The following TRMT11 variants were observed in gnomAD, a reference collection of about 807,000 sequenced individuals.
TRMT11 encodes the protein tRNA methyltransferase 11, also known as tRNA (guanine(10)-N(2))-methyltransferase TRMT11.
Under a neutral mutation model 62.8 loss-of-function variants are expected in TRMT11, and 53 were observed. The ratio of observed to expected loss-of-function variants is 0.84; its 90% CI spans 0.68 to 1.06. The LOEUF is 1.06. TRMT11 is among the 50% of genes least tolerant of loss of function. The probability of loss-of-function intolerance (pLI) is 0.00; values close to 1 mark genes in which losing one functional copy is unlikely to be tolerated. For synonymous variants in TRMT11, 188 were observed against 190.3 expected (o/e 0.99, Z 0.10); for missense variants, 556 against 553.4 (o/e 1.00, Z -0.05).
At chr6:126,195,664 G>A (rs1778657395) in intron 1 of TRMT11, among the ~76,000 whole-genome samples, 1 of 152,128 alleles carries the variant, frequency 6.6e-6, no homozygotes, top group Admixed American at 6.5e-5. Context: ...CCATAGTCAT[G>A]TACTTTGGAG....
intron 17 of TRMT11, among the ~76,000 whole-genome samples, chr6:126,065,817 T>G (rs912175192): frequency 6.6e-6 from 1 of 152,232 alleles, no homozygotes; most frequent in African/African-American, 2.4e-5. Context: ...CAGACGAGAT[T>G]GGGAGCGTTG....
chr6:126,055,980 A>C (rs138722283), intron 17 of TRMT11, among the ~76,000 whole-genome samples: 1 of 152,190 alleles, frequency 6.6e-6, no homozygotes, highest in Non-Finnish European at 1.5e-5. Flanking sequence ...ACTGTCACAG[A>C]TGGCTTAGCT....
At chr6:126,132,496 T>C (rs182490828) in intron 21 of TRMT11, among the ~76,000 whole-genome samples, 1 of 152,050 alleles carries the variant, frequency 6.6e-6, no homozygotes, top group East Asian at 1.9e-4. Context: ...TATCATTTCA[T>C]ATTCTGGCCT....
At chr6:126,233,800 C>T in the TRMT11 span, among the ~76,000 whole-genome samples, 1 of 152,026 alleles carries the variant, frequency 6.6e-6, no homozygotes, top group South Asian at 2.1e-4. Flanking sequence ...TATTCTAATG[C>T]AGTCATAAAA....
chr6:126,237,065 T>TAG, the TRMT11 span, among the ~76,000 whole-genome samples: 19,188 of 142,444 alleles, frequency 0.13, 1,826 homozygotes, highest in East Asian at 0.51. Context: ...CTCCTAGAGA[T>TAG]AGAGAGAGAG....
chr6:126,170,452 C>T (rs1239548436), intron 21 of TRMT11, among the ~76,000 whole-genome samples: 2 of 152,164 alleles, frequency 1.3e-5, no homozygotes, highest in African/African-American at 4.8e-5. Flanking sequence ...ATGTCAGCTG[C>T]TGTGGTAACC....
At chr6:126,066,940 A>T (rs1057364219) in intron 17 of TRMT11, among the ~76,000 whole-genome samples, 4 of 151,714 alleles carry the variant, frequency 2.6e-5, no homozygotes, top group African/African-American at 9.7e-5. Flanking sequence ...AAAAAAAAAT[A>T]AGGGCCGGGC....
At chr6:126,145,646 G>C (rs1005787117) in intron 21 of TRMT11, among the ~76,000 whole-genome samples, 1 of 152,102 alleles carries the variant, frequency 6.6e-6, no homozygotes, top group African/African-American at 2.4e-5. Flanking sequence ...CGACTTCCAT[G>C]GTCAGCACCC....
intron 1 of TRMT11, among the ~76,000 whole-genome samples, chr6:126,182,272 A>G (rs538803147): frequency 6.6e-6 from 1 of 152,074 alleles, no homozygotes; most frequent in Non-Finnish European, 1.5e-5. Context: ...GGAGGTACCG[A>G]TGGGGGATCC....
At chr6:126,030,291 G>A (rs937659872) in intron 12 of TRMT11, among the ~76,000 whole-genome samples, 1 of 152,126 alleles carries the variant, frequency 6.6e-6, no homozygotes, top group Non-Finnish European at 1.5e-5. Flanking sequence ...AGGAGAGCAG[G>A]ATTTTTAAAC....
At chr6:126,044,103 G>A (rs1775972950), downstream of TRMT11, among the ~76,000 whole-genome samples, 1 of 151,560 alleles carries the variant, frequency 6.6e-6, no homozygotes, top group Non-Finnish European at 1.5e-5. Context: ...CATTGCTTTT[G>A]GTGTTTTAGA....
chr6:126,047,535 G>A (rs1776094368), intron 16 of TRMT11, among the ~76,000 whole-genome samples: 2 of 152,058 alleles, frequency 1.3e-5, no homozygotes, highest in South Asian at 2.1e-4. Flanking sequence ...CTTCAAGTTT[G>A]TGTGTGACCT....
At chr6:126,065,496 G>A (rs1776662656) in intron 17 of TRMT11, among the ~76,000 whole-genome samples, 1 of 152,096 alleles carries the variant, frequency 6.6e-6, no homozygotes, top group Non-Finnish European at 1.5e-5. Flanking sequence ...TAATTCTGGG[G>A]AACTGCTGGC....
At chr6:126,062,879 A>C (rs1214148163) in intron 17 of TRMT11, among the ~76,000 whole-genome samples, 2 of 152,220 alleles carry the variant, frequency 1.3e-5, no homozygotes, top group African/African-American at 4.8e-5. Flanking sequence ...AGAACAACTA[A>C]CATATAGCTC....
chr6:126,143,505 T>A (rs1442538136), intron 21 of TRMT11, among the ~76,000 whole-genome samples: 1 of 152,160 alleles, frequency 6.6e-6, no homozygotes, highest in African/African-American at 2.4e-5. Flanking sequence ...GCAGATTTTC[T>A]TTTTCTTTTA....
chr6:126,018,903 A>G (rs547335990), intron 11 of TRMT11, among the ~76,000 whole-genome samples: 2 of 151,542 alleles, frequency 1.3e-5, no homozygotes, highest in Non-Finnish European at 2.9e-5. Context: ...TTTTTTTGAG[A>G]CAATTTCGCT....
intron 21 of TRMT11, among the ~76,000 whole-genome samples, chr6:126,133,423 C>T (rs1161843642): frequency 6.6e-6 from 1 of 151,958 alleles, no homozygotes; most frequent in African/African-American, 2.4e-5. Context: ...TGATCTTGAA[C>T]CTTCATTGTG....
chr6:125,997,933 C>T (rs1791833833), intron 3 of TRMT11, 120 bp from the exon 4 acceptor site: 1 of 697,286 alleles, frequency 1.4e-6, no homozygotes, highest in African/African-American at 1.8e-5. Context: ...TTCATTTATA[C>T]TTTGCAAAAC....
chr6:125,993,623 A>T, intron 1 of TRMT11, 134 bp from the exon 2 acceptor site: 1 of 457,800 alleles, frequency 2.2e-6, no homozygotes, highest in Non-Finnish European at 3.9e-6. Context: ...TAATTGTCTG[A>T]TGTTGAAGCT....
Sources: gnomAD v4.1 joint callset for allele counts (sites outside exome capture counted in the v4.1 genomes callset) on GRCh38, gnomAD v4.1.1 for gene constraint, MANE v1.5 for transcripts, NCBI Gene and HGNC (gene_info 2026-07-23, HGNC 2026-07-21) for gene names.